The following CCSER1 variants were observed in gnomAD, a reference collection of about 807,000 sequenced individuals.
CCSER1 encodes the protein coiled-coil serine rich protein 1.
CCSER1 carries 41 observed loss-of-function variants against 82.0 expected under a neutral mutation model. The ratio of observed to expected loss-of-function variants is 0.50; its 90% CI spans 0.39 to 0.65. The LOEUF is 0.65. Ranked by LOEUF, CCSER1 falls within the 30% of genes least tolerant of loss-of-function variation. CCSER1 has a pLI of 0.00. For synonymous variants in CCSER1, 414 were observed against 383.9 expected, an observed-to-expected ratio of 1.08 and a Z score of -0.92; for missense variants, 1,119 against 1,064.2, an observed-to-expected ratio of 1.05 and a Z score of -0.72.
At chr4:91,444,183 C>G (rs1223340771) in intron 10 of CCSER1, among the ~76,000 whole-genome samples, 1 of 152,022 alleles carries the variant, frequency 6.6e-6, no homozygotes, top group African/African-American at 2.4e-5. Flanking sequence ...TTTTCTGTCA[C>G]TAGAGTTAAA....
chr4:90,353,331 T>A (rs2153513815), intron 3 of CCSER1, among the ~76,000 whole-genome samples: 1 of 152,218 alleles, frequency 6.6e-6, no homozygotes, highest in South Asian at 2.1e-4. Flanking sequence ...CACTATTTCA[T>A]GCTAAAGACA....
chr4:90,475,816 C>G (rs1764995377), intron 5 of CCSER1, among the ~76,000 whole-genome samples: 2 of 152,116 alleles, frequency 1.3e-5, no homozygotes, highest in Non-Finnish European at 2.9e-5. Flanking sequence ...GAAAAGATCA[C>G]TTGTGGGCCA....
intron 5 of CCSER1, among the ~76,000 whole-genome samples, chr4:90,595,165 G>A (rs12645351): frequency 0.45 from 67,975 of 151,680 alleles, 19,340 homozygotes; most frequent in African/African-American, 0.81. Flanking sequence ...AATTTCGAAT[G>A]CAATGTAATG....
At chr4:91,296,475 A>ATTTATT (rs1226768786) in intron 10 of CCSER1, among the ~76,000 whole-genome samples, 1 of 135,388 alleles carries the variant, frequency 7.4e-6, no homozygotes, top group African/African-American at 3.0e-5. Context: ...ATGTATATAT[A>ATTTATT]TATATATATA....
At chr4:91,111,491 T>C (rs1342503091) in intron 10 of CCSER1, among the ~76,000 whole-genome samples, 3 of 152,030 alleles carry the variant, frequency 2.0e-5, no homozygotes, top group Admixed American at 6.5e-5. Context: ...TGCATTGGCA[T>C]ATAGAAAATA....
intron 10 of CCSER1, among the ~76,000 whole-genome samples, chr4:91,469,017 T>C (rs1163420896): frequency 6.6e-6 from 1 of 152,136 alleles, no homozygotes; most frequent in Non-Finnish European, 1.5e-5. Flanking sequence ...CAAAATAGTT[T>C]GTTAGTTTAT....
intron 8 of CCSER1, among the ~76,000 whole-genome samples, chr4:90,888,131 C>T (rs1392438275): frequency 6.6e-6 from 1 of 152,024 alleles, no homozygotes; most frequent in Non-Finnish European, 1.5e-5. Context: ...AAATACACAA[C>T]TACATTTTTA....
chr4:91,491,958 T>C (rs1758568733), intron 10 of CCSER1, among the ~76,000 whole-genome samples: 2 of 151,528 alleles, frequency 1.3e-5, no homozygotes, highest in South Asian at 4.2e-4. Flanking sequence ...GTTTTTTTTT[T>C]TTTTTTTTGC....
chr4:91,380,002 G>A (rs1047187946), intron 10 of CCSER1, among the ~76,000 whole-genome samples: 1 of 152,204 alleles, frequency 6.6e-6, no homozygotes. Context: ...ATTTCGTTAT[G>A]TACCCAGTAG....
At chr4:91,292,514 ATTAC>A (rs1448575083) in intron 10 of CCSER1, among the ~76,000 whole-genome samples, 2 of 151,978 alleles carry the variant, frequency 1.3e-5, no homozygotes, top group African/African-American at 4.8e-5. Context: ...TGAGGTAAAT[ATTAC>A]TTATGATCTA....
At chr4:90,667,868 A>T (rs1296307656) in intron 6 of CCSER1, among the ~76,000 whole-genome samples, 2 of 152,040 alleles carry the variant, frequency 1.3e-5, no homozygotes, top group African/African-American at 4.8e-5. Context: ...TCAATATTAC[A>T]CTCTATGCAA....
intron 3 of CCSER1, among the ~76,000 whole-genome samples, chr4:90,355,321 AAAAG>A (rs1441984974): frequency 1.3e-5 from 2 of 152,152 alleles, no homozygotes; most frequent in African/African-American, 2.4e-5. Flanking sequence ...AAAAGAAAGA[AAAAG>A]AAAGAAAGAA....
At chr4:91,290,956 T>C (rs1743696126) in intron 10 of CCSER1, among the ~76,000 whole-genome samples, 1 of 151,868 alleles carries the variant, frequency 6.6e-6, no homozygotes, top group South Asian at 2.1e-4. Flanking sequence ...ATGAGCTAAC[T>C]AGTAAATTAA....
At chr4:90,873,493 G>C (rs1385260150) in intron 8 of CCSER1, among the ~76,000 whole-genome samples, 1 of 151,966 alleles carries the variant, frequency 6.6e-6, no homozygotes, top group East Asian at 1.9e-4. Context: ...CCCAGTTCTT[G>C]TAAATATGAA....
intron 5 of CCSER1, among the ~76,000 whole-genome samples, chr4:90,497,716 G>A (rs540601193): frequency 5.1e-4 from 77 of 152,202 alleles, no homozygotes; most frequent in Non-Finnish European, 7.4e-4. Context: ...CTTCACTAAC[G>A]TTGCATAACA....
At position 91,545,017 on chromosome 4, in the gene CCSER1, C is replaced by T. The variant is rs1280419768; in HGVS notation, c.2218-53555C>T. ...CAAGCCTCAGCAATGGTGGATAAGC[C>T]TCAGCAATGGTGGATGCCCCTCCCC... is the stretch of plus-strand genomic sequence containing the variant. On this transcript the variant is annotated intron_variant, in intron 10 of 10. Transcript: ENST00000509176. 5.9e-5 allele frequency among the ~76,000 whole-genome samples: 9 copies of T among 152,056 alleles called. 1 individual carries two copies. In the East Asian group the frequency reaches 1.7e-3, roughly 29 times the overall value.
intron 5 of CCSER1, among the ~76,000 whole-genome samples, chr4:90,559,408 C>T (rs1173128033): frequency 6.6e-6 from 1 of 152,098 alleles, no homozygotes; most frequent in Non-Finnish European, 1.5e-5. Context: ...CAGCAGACCC[C>T]ATGGGGAGCT....
intron 10 of CCSER1, among the ~76,000 whole-genome samples, chr4:91,275,065 C>T (rs1408307360): frequency 6.6e-6 from 1 of 151,888 alleles, no homozygotes; most frequent in African/African-American, 2.4e-5. Flanking sequence ...GAGATCGCGC[C>T]ACTGCACTCC....
chr4:90,648,281 AAAGGAAAG>A (rs1427768570), intron 6 of CCSER1, among the ~76,000 whole-genome samples: 4 of 99,324 alleles, frequency 4.0e-5, no homozygotes, highest in African/African-American at 7.4e-5. Context: ...AGAGAGAAAG[AAAGGAAAG>A]AAAGAAAGAA....
Sources: gnomAD v4.1 joint callset for allele counts (sites outside exome capture counted in the v4.1 genomes callset) on GRCh38, gnomAD v4.1.1 for gene constraint, MANE v1.5 for transcripts, NCBI Gene and HGNC (gene_info 2026-07-23, HGNC 2026-07-21) for gene names.